Variants in SIPA1L3 observed in about 807,000 individuals in gnomAD.
SIPA1L3 encodes signal-induced proliferation-associated 1-like protein 3.
Under a neutral mutation model 150.1 loss-of-function variants are expected in SIPA1L3, and 59 were observed. The ratio of observed to expected loss-of-function variants is 0.39; its 90% confidence interval spans 0.32 to 0.49. The LOEUF (loss-of-function observed/expected upper bound fraction) is 0.49. Ranked by LOEUF, SIPA1L3 falls within the 20% of genes least tolerant of loss-of-function variation. The pLI is 0.86. For missense variants in SIPA1L3, 2,211 were observed against 2,489.5 expected (o/e 0.89, Z 2.38); for synonymous variants, 1,070 against 1,077.6 (o/e 0.99, Z 0.14).
At chr19:37,937,763 A>AAAAAAAAAAAAAAAAAAAAAAAAAAC (rs1212770975) in intron 1 of SIPA1L3, among the ~76,000 whole-genome samples, 1 of 142,224 alleles carries the variant, frequency 7.0e-6, no homozygotes, top group Admixed American at 7.2e-5. Context: ...AAAAAAAAAA[A>AAAAAAAAAAAAAAAAAAAAAAAAAAC]AGACCAGGCA....
rs115310969 is a variant in SIPA1L3 at position 38,160,320 on chromosome 19, T to G, written c.3662-1933T>G. Among the ~76,000 whole-genome samples the G allele has an allele frequency of 8.8e-3, 1,299 of 148,192 alleles. 20 individuals are homozygous for G. The highest frequency in any genetic ancestry group is 0.03 in the African/African-American group (1,228 of 40,364). The stretch of plus-strand genomic sequence containing the variant: ...TGAGCCACCGCACCTGGCCAATTTT[T>G]TTTTAAGGTCAGCAAGATACTTGGT... On this transcript the variant is annotated intron_variant, in intron 13 of 21. Transcript: ENST00000222345.
At chr19:38,003,721 C>T (rs939148726) in intron 1 of SIPA1L3, among the ~76,000 whole-genome samples, 3 of 152,228 alleles carry the variant, frequency 2.0e-5, no homozygotes, top group Admixed American at 2.0e-4. Flanking sequence ...GGCGGTTTCT[C>T]TTCCATCCCG....
At chr19:38,128,691 G>A (rs1378760642) in intron 9 of SIPA1L3, among the ~76,000 whole-genome samples, 1 of 152,140 alleles carries the variant, frequency 6.6e-6, no homozygotes, top group African/African-American at 2.4e-5. Context: ...GAGGTCAGGA[G>A]TTCGAGACCA....
chr19:38,122,983 G>C (rs1326509012), intron 9 of SIPA1L3, among the ~76,000 whole-genome samples: 1 of 152,174 alleles, frequency 6.6e-6, no homozygotes, highest in African/African-American at 2.4e-5. Context: ...GTTCACTGCC[G>C]TGTCCTCAGC....
intron 12 of SIPA1L3, among the ~76,000 whole-genome samples, chr19:38,146,221 G>A (rs1165682135): frequency 3.9e-5 from 6 of 152,148 alleles, no homozygotes; most frequent in Admixed American, 6.5e-5. Flanking sequence ...TCAGATGTAC[G>A]TATGCTTCAG....
intron 1 of SIPA1L3, among the ~76,000 whole-genome samples, chr19:38,012,029 A>G (rs1968111549): frequency 6.6e-6 from 1 of 151,612 alleles, no homozygotes; most frequent in Admixed American, 6.6e-5. Flanking sequence ...GCTGACAGAC[A>G]CACAGGTTGT....
At chr19:38,100,760 G>A (rs952680832) in intron 5 of SIPA1L3, among the ~76,000 whole-genome samples, 33 of 152,322 alleles carry the variant, frequency 2.2e-4, no homozygotes, top group African/African-American at 7.9e-4. Flanking sequence ...GCCGGCCAAG[G>A]CAACAGTCTC....
intron 16 of SIPA1L3, among the ~76,000 whole-genome samples, chr19:38,186,719 G>A (rs1016684493): frequency 3.3e-5 from 5 of 151,142 alleles, no homozygotes; most frequent in East Asian, 4.0e-4. Flanking sequence ...AGTGTGGCGC[G>A]GTGGCTCATG....
At chr19:38,205,775 C>T (rs1207888824) in intron 21 of SIPA1L3, among the ~76,000 whole-genome samples, 2 of 152,134 alleles carry the variant, frequency 1.3e-5, no homozygotes, top group Non-Finnish European at 2.9e-5. Context: ...CCCAAGTCCT[C>T]GGGTAGTGTG....
intron 10 of SIPA1L3, among the ~76,000 whole-genome samples, chr19:38,138,897 C>CAATAAAAAAAAA (rs1971500728): frequency 2.3e-5 from 1 of 44,112 alleles, no homozygotes; most frequent in Non-Finnish European, 4.0e-5. Flanking sequence ...GACTCTATCT[C>CAATAAAAAAAAA]AAAAAAAAAA....
intron 1 of SIPA1L3, among the ~76,000 whole-genome samples, chr19:37,962,146 C>CTTTTTTT (rs369762947): frequency 1.1e-4 from 15 of 142,258 alleles, no homozygotes; most frequent in African/African-American, 3.1e-4. Context: ...TTCTTTCATT[C>CTTTTTTT]TTTTTTTTTT....
At chr19:38,041,434 A>G (rs1968919425) in intron 2 of SIPA1L3, among the ~76,000 whole-genome samples, 1 of 151,868 alleles carries the variant, frequency 6.6e-6, no homozygotes, top group South Asian at 2.1e-4. Context: ...GCACGCTACC[A>G]TGCCCAGCTA....
intron 1 of SIPA1L3, among the ~76,000 whole-genome samples, chr19:37,911,655 G>C (rs1221493525): frequency 6.6e-6 from 1 of 151,638 alleles, no homozygotes; most frequent in East Asian, 2.0e-4. Flanking sequence ...GGGACTACAG[G>C]CGCCCGCCAC....
At chr19:38,054,101 T>G (rs1421354867) in intron 2 of SIPA1L3, among the ~76,000 whole-genome samples, 2 of 151,862 alleles carry the variant, frequency 1.3e-5, no homozygotes, top group African/African-American at 4.8e-5. Context: ...TCCCAGCACT[T>G]TGGGAGGCCG....
chr19:38,073,407 A>T (rs1969765566), intron 2 of SIPA1L3, among the ~76,000 whole-genome samples: 1 of 152,144 alleles, frequency 6.6e-6, no homozygotes, highest in Non-Finnish European at 1.5e-5. Flanking sequence ...TCACCGTGCA[A>T]AGCACCGTTG....
chr19:37,931,468 C>T (rs1017426021), intron 1 of SIPA1L3, among the ~76,000 whole-genome samples: 12 of 152,108 alleles, frequency 7.9e-5, no homozygotes, highest in South Asian at 4.1e-4. Flanking sequence ...TGGTTAAGGC[C>T]GGCCGCGGTG....
intron 8 of SIPA1L3, among the ~76,000 whole-genome samples, chr19:38,118,038 T>G (rs1970930380): frequency 6.6e-6 from 1 of 152,214 alleles, no homozygotes; most frequent in Admixed American, 6.5e-5. Flanking sequence ...CTTCCTTTAT[T>G]AATTTTTTTT....
chr19:37,997,893 G>A (rs1441496163), intron 1 of SIPA1L3, among the ~76,000 whole-genome samples: 1 of 150,224 alleles, frequency 6.7e-6, no homozygotes, highest in Non-Finnish European at 1.5e-5. Context: ...AAAAGAAAAA[G>A]AGAGAGAGAG....
intron 12 of SIPA1L3, among the ~76,000 whole-genome samples, chr19:38,150,263 A>G (rs998275265): frequency 1.3e-5 from 2 of 152,028 alleles, no homozygotes. Flanking sequence ...TTTCCTGGCA[A>G]GTGAGTGGAG....
Sources: allele counts gnomAD v4.1 joint callset (sites outside exome capture counted in the v4.1 genomes callset), GRCh38; gene constraint gnomAD v4.1.1; transcripts MANE v1.5; gene names NCBI Gene and HGNC (gene_info 2026-07-23, HGNC 2026-07-21).